RGS7: variants seen among roughly 807,000 people sequenced by gnomAD.
The protein encoded by RGS7 is regulator of G-protein signaling 7.
A neutral mutation model predicts 81.1 loss-of-function variants in RGS7; 27 were observed. The ratio of observed to expected loss-of-function variants is 0.33; its 90% CI spans 0.25 to 0.46. The LOEUF (loss-of-function observed/expected upper bound fraction) is 0.46. Ranked by LOEUF, RGS7 falls within the 20% of genes least tolerant of loss-of-function variation. RGS7 has a pLI of 1.00. For synonymous variants in RGS7, 208 were observed against 207.7 expected (o/e 1.00, Z -0.01); for missense variants, 396 against 607.4 (o/e 0.65, Z 3.66).
intron 3 of RGS7, among the ~76,000 whole-genome samples, chr1:241,001,374 A>G (rs1240228993): frequency 1.3e-5 from 2 of 152,180 alleles, no homozygotes; most frequent in African/African-American, 4.8e-5. Context: ...ACTGTACGGT[A>G]TAAAAAAGGC....
intron 3 of RGS7, among the ~76,000 whole-genome samples, chr1:241,008,925 AAAAAAAAAAAAG>A (rs1239036405): frequency 1.4e-5 from 2 of 143,326 alleles, no homozygotes; most frequent in African/African-American, 5.9e-5. Flanking sequence ...AAAAAAAAAA[AAAAAAAAAAAAG>A]AAATGTGATT....
At chr1:241,264,249 G>A (rs1044048031) in intron 2 of RGS7, among the ~76,000 whole-genome samples, 3 of 152,148 alleles carry the variant, frequency 2.0e-5, no homozygotes, top group African/African-American at 7.2e-5. Flanking sequence ...TGTAATTCCA[G>A]CACTTTGGGA....
At chr1:240,795,633 A>G (rs1408266662) in intron 18 of RGS7, among the ~76,000 whole-genome samples, 3 of 152,246 alleles carry the variant, frequency 2.0e-5, no homozygotes, top group Non-Finnish European at 2.9e-5. Context: ...AGCAATGAAT[A>G]ATAAATAAGC....
chr1:241,008,355 A>C (rs1003385269), intron 3 of RGS7, among the ~76,000 whole-genome samples: 2 of 152,218 alleles, frequency 1.3e-5, no homozygotes, highest in African/African-American at 4.8e-5. Flanking sequence ...CTCACATTTC[A>C]ATGTGCGTAT....
intron 3 of RGS7, among the ~76,000 whole-genome samples, chr1:241,033,623 T>G (rs763009500): frequency 1.3e-5 from 2 of 152,130 alleles, no homozygotes; most frequent in Non-Finnish European, 2.9e-5. Flanking sequence ...GGTGATAAAA[T>G]GTCCTTTCAT....
chr1:241,139,965 A>T (rs968326526), intron 2 of RGS7, among the ~76,000 whole-genome samples: 1 of 152,172 alleles, frequency 6.6e-6, no homozygotes, highest in Non-Finnish European at 1.5e-5. Context: ...ATGGCACCCA[A>T]TAATTGTCCT....
chr1:241,236,577 C>T (rs2075989180), intron 2 of RGS7, among the ~76,000 whole-genome samples: 1 of 152,152 alleles, frequency 6.6e-6, no homozygotes, highest in African/African-American at 2.4e-5. Context: ...TATTAAATGA[C>T]TCACATGATT....
intron 4 of RGS7, among the ~76,000 whole-genome samples, chr1:240,963,557 A>T (rs75247924): frequency 0.038 from 5,747 of 152,272 alleles, 144 homozygotes; most frequent in South Asian, 0.097. Flanking sequence ...GTGAGGCCAA[A>T]TTGAGGACTG....
At chr1:240,865,550 T>A (rs1280723665) in intron 9 of RGS7, among the ~76,000 whole-genome samples, 3 of 152,206 alleles carry the variant, frequency 2.0e-5, no homozygotes, top group Non-Finnish European at 2.9e-5. Context: ...TTACAGTGAA[T>A]ACTACAAGGT....
chr1:241,062,338 C>T (rs1358076962), intron 3 of RGS7, among the ~76,000 whole-genome samples: 2 of 152,202 alleles, frequency 1.3e-5, no homozygotes, highest in African/African-American at 2.4e-5. Context: ...CCCTCAAATG[C>T]TTGGCCGGCC....
chr1:241,113,792 T>G (rs1011307533), intron 2 of RGS7, among the ~76,000 whole-genome samples: 2 of 152,168 alleles, frequency 1.3e-5, no homozygotes, highest in Non-Finnish European at 2.9e-5. Flanking sequence ...CAGCATAAGT[T>G]CCCCTTCCTT....
At chr1:241,059,278 G>C (rs182916286) in intron 3 of RGS7, among the ~76,000 whole-genome samples, 1 of 152,302 alleles carries the variant, frequency 6.6e-6, no homozygotes, top group East Asian at 1.9e-4. Flanking sequence ...ATATGCTAAG[G>C]ATTTTTGAAT....
At chr1:240,853,551 T>G (rs1389436871) in intron 9 of RGS7, among the ~76,000 whole-genome samples, 1 of 152,102 alleles carries the variant, frequency 6.6e-6, no homozygotes, top group Non-Finnish European at 1.5e-5. Context: ...TTGCAAAAAT[T>G]GGTTCAATCT....
chr1:241,316,532 A>T (rs1391954129), intron 2 of RGS7, among the ~76,000 whole-genome samples: 1 of 152,192 alleles, frequency 6.6e-6, no homozygotes, highest in Non-Finnish European at 1.5e-5. Context: ...TATTCAGGAG[A>T]CTGATGGAAG....
At chr1:241,005,075 G>T (rs1475871966) in intron 3 of RGS7, among the ~76,000 whole-genome samples, 1 of 152,142 alleles carries the variant, frequency 6.6e-6, no homozygotes, top group Non-Finnish European at 1.5e-5. Context: ...AACACAGACT[G>T]AGAGAGAAGG....
intron 2 of RGS7, among the ~76,000 whole-genome samples, chr1:241,166,727 C>T (rs2070281317): frequency 6.6e-6 from 1 of 152,154 alleles, no homozygotes; most frequent in Non-Finnish European, 1.5e-5. Flanking sequence ...GGCCCCAAAG[C>T]TTATGCTGAC....
Position 241,018,133 on chromosome 1 carries a change from ATT to A in RGS7, c.176-35006_176-35005del, listed in dbSNP as rs34587479. ...AGGCATGCACCACCATGCCCAGCTA[ATT>A]TTTTTTTTTTTTTTTTTTTTTGTAT... On this transcript the variant is annotated intron_variant, in intron 3 of 18. Coordinates refer to ENST00000440928, the MANE Select transcript of RGS7 (RefSeq NM_001364886.1). Among the ~76,000 whole-genome samples, 784 of 114,368 alleles carry A rather than the reference ATT, an allele frequency of 6.9e-3. 3 individuals carry two copies. The highest frequency in any genetic ancestry group is 0.026 in the African/African-American group (722 of 28,060). The allele number at this position is 114,368 out of a possible 152,430, so 75.0% of individuals were successfully genotyped here. A position where few individuals can be genotyped will look rare whatever the true frequency, so the allele number is the denominator to read the frequency against.
chr1:241,134,101 G>A (rs981407722), intron 2 of RGS7, among the ~76,000 whole-genome samples: 6 of 152,210 alleles, frequency 3.9e-5, no homozygotes, highest in African/African-American at 9.7e-5. Flanking sequence ...TTAGCCACAT[G>A]TGACTGTTTA....
chr1:241,256,084 A>G (rs1291784916), intron 2 of RGS7, among the ~76,000 whole-genome samples: 4 of 152,206 alleles, frequency 2.6e-5, no homozygotes, highest in Non-Finnish European at 5.9e-5. Flanking sequence ...ATACCAGTTA[A>G]CTAATTGGGA....
Sources: allele counts gnomAD v4.1 joint callset (sites outside exome capture counted in the v4.1 genomes callset), GRCh38; gene constraint gnomAD v4.1.1; transcripts MANE v1.5; gene names NCBI Gene and HGNC (gene_info 2026-07-23, HGNC 2026-07-21).